RBFOX1: variants seen among roughly 807,000 people sequenced by gnomAD.
RBFOX1 encodes RNA binding fox-1 homolog 1.
In RBFOX1, 8 loss-of-function variants were observed where a neutral mutation model predicts 57.7. The observed-to-expected ratio is 0.14, with a 90% confidence interval of 0.08 to 0.25. The LOEUF is 0.25. RBFOX1 is among the 10% of genes least tolerant of loss of function. RBFOX1 has a pLI of 1.00. For synonymous variants in RBFOX1, 326 were observed against 222.4 expected, an observed-to-expected ratio of 1.47 and a Z score of -4.15; for missense variants, 611 against 548.5, an observed-to-expected ratio of 1.11 and a Z score of -1.14.
At chr16:7,556,623 A>G (rs568549419) in intron 5 of RBFOX1, among the ~76,000 whole-genome samples, 4 of 152,262 alleles carry the variant, frequency 2.6e-5, no homozygotes, top group African/African-American at 9.6e-5. Flanking sequence ...GCTTCATGAC[A>G]TTAGTGGAAA....
intron 3 of RBFOX1, among the ~76,000 whole-genome samples, chr16:5,614,353 G>A (rs1271266930): frequency 6.6e-6 from 1 of 152,156 alleles, no homozygotes; most frequent in Non-Finnish European, 1.5e-5. Flanking sequence ...AATCTTCAAT[G>A]CAACTTTCAT....
At chr16:6,571,669 A>C (rs1256218022) in intron 2 of RBFOX1, among the ~76,000 whole-genome samples, 1 of 152,190 alleles carries the variant, frequency 6.6e-6, no homozygotes. Context: ...TGCTGAAGGC[A>C]TGCCTCCTGA....
intron 1 of RBFOX1, among the ~76,000 whole-genome samples, chr16:5,440,577 C>T: frequency 6.6e-6 from 1 of 152,094 alleles, no homozygotes; most frequent in East Asian, 1.9e-4. Flanking sequence ...CTCCATGGCT[C>T]TAGGTAAACA....
Position 6,472,705 on chromosome 16 carries a change from C to T in RBFOX1, c.-64+155648C>T, listed in dbSNP as rs144671452. 6.9e-3 allele frequency among the ~76,000 whole-genome samples: 1,052 copies of T among 151,836 alleles called. 19 individuals are homozygous for T. Among genetic ancestry groups the T allele is most frequent in the African/African-American group, 0.024 (998 of 41,386 alleles). On this transcript the variant is annotated intron_variant, in intron 2 of 15. Transcript: ENST00000550418. ...GTGGCGCAATCTTGGCTCACTGCAA[C>T]CTCCGCCTCCCGGTTCAAGTGATTC...
chr16:5,598,974 A>G, exon 3 of RBFOX1: 1 of 1,522,716 alleles, frequency 6.6e-7, no homozygotes, highest in South Asian at 1.2e-5. Flanking sequence ...AAGTAGAAGC[A>G]TTTTGCTGAA....
intron 1 of RBFOX1, among the ~76,000 whole-genome samples, chr16:6,053,975 G>T (rs1187257398): frequency 1.3e-5 from 2 of 152,142 alleles, no homozygotes; most frequent in Non-Finnish European, 2.9e-5. Context: ...AGGATCGCTT[G>T]AGCCCAGGAG....
chr16:5,457,570 C>T (rs1243677886), intron 1 of RBFOX1, among the ~76,000 whole-genome samples: 1 of 152,270 alleles, frequency 6.6e-6, no homozygotes, highest in South Asian at 2.1e-4. Flanking sequence ...ATTTTGGGGC[C>T]ACACAGGCAT....
At chr16:5,778,282 G>A (rs2054210236) in intron 3 of RBFOX1, among the ~76,000 whole-genome samples, 1 of 152,010 alleles carries the variant, frequency 6.6e-6, no homozygotes, top group South Asian at 2.1e-4. Context: ...AGCTTCACAG[G>A]GCCCCAGAGT....
chr16:6,184,305 C>T (rs749221798), intron 1 of RBFOX1, among the ~76,000 whole-genome samples: 1 of 152,054 alleles, frequency 6.6e-6, no homozygotes, highest in Non-Finnish European at 1.5e-5. Flanking sequence ...TGACATCATG[C>T]CCATTTAAAA....
At chr16:6,989,796 T>G (rs1443101531) in intron 3 of RBFOX1, among the ~76,000 whole-genome samples, 1 of 152,060 alleles carries the variant, frequency 6.6e-6, no homozygotes, top group Non-Finnish European at 1.5e-5. Flanking sequence ...GGTCAGGATT[T>G]CGAAACTAGC....
intron 1 of RBFOX1, among the ~76,000 whole-genome samples, chr16:6,087,983 G>C (rs149629045): frequency 6.6e-6 from 1 of 152,138 alleles, no homozygotes; most frequent in Non-Finnish European, 1.5e-5. Flanking sequence ...ACTCCTGCGT[G>C]TGTGTGTTTG....
chr16:6,052,804 T>TCTAATAATA (rs1555488784), intron 1 of RBFOX1, among the ~76,000 whole-genome samples: 2 of 144,238 alleles, frequency 1.4e-5, no homozygotes, highest in Admixed American at 1.4e-4. Flanking sequence ...TAAAATAAAA[T>TCTAATAATA]ATAATAATAA....
chr16:5,637,320 TA>T (rs2048713671), intron 3 of RBFOX1, among the ~76,000 whole-genome samples: 1 of 152,138 alleles, frequency 6.6e-6, no homozygotes, highest in Non-Finnish European at 1.5e-5. Flanking sequence ...TACCCCAGTT[TA>T]AATAAGTCAT....
intron 1 of RBFOX1, among the ~76,000 whole-genome samples, chr16:6,153,464 C>G (rs1192645109): frequency 2.6e-5 from 4 of 152,056 alleles, no homozygotes; most frequent in Non-Finnish European, 5.9e-5. Flanking sequence ...TTCTTATATT[C>G]AAATGAACAG....
rs947676872 is a variant in RBFOX1, at chr16:7,711,331, G to T, written c.*586G>T. The T allele has an allele frequency of 6.6e-6, 1 of 152,522 alleles. No individual in the cohort carries two copies. Among genetic ancestry groups the T allele is most frequent in the Non-Finnish European group, 1.5e-5 (1 of 68,046 alleles). The allele number at this position is 152,522 out of a possible 1,614,324, so 9.4% of individuals were successfully genotyped here. A position where few individuals can be genotyped will look rare whatever the true frequency, so the allele number is the denominator to read the frequency against. On this transcript the variant is annotated 3_prime_UTR_variant, in exon 16 of 16. Transcript: ENST00000550418. The stretch of plus-strand genomic sequence containing the variant: ...ATTGCCAGTTCAAGCCAAAGGTCAT[G>T]TTGTTAAGGGGGTGCTTCTAGTAGC...
At chr16:7,694,848 C>T (rs1297462945) in intron 14 of RBFOX1, among the ~76,000 whole-genome samples, 1 of 152,172 alleles carries the variant, frequency 6.6e-6, no homozygotes, top group Admixed American at 6.5e-5. Context: ...TTAAAATGTT[C>T]ATAGGCCTCA....
At chr16:6,413,479 T>C (rs1288909124) in intron 2 of RBFOX1, among the ~76,000 whole-genome samples, 1 of 152,144 alleles carries the variant, frequency 6.6e-6, no homozygotes, top group East Asian at 1.9e-4. Context: ...TTATTTTTAA[T>C]AGATAATGGT....
intron 2 of RBFOX1, among the ~76,000 whole-genome samples, chr16:5,534,084 A>C (rs1309897338): frequency 6.6e-6 from 1 of 152,094 alleles, no homozygotes; most frequent in Non-Finnish European, 1.5e-5. Context: ...GCCACCTGCC[A>C]GTTGCTGCCG....
chr16:7,262,854 C>G (rs1267274392), intron 4 of RBFOX1, among the ~76,000 whole-genome samples: 2 of 152,222 alleles, frequency 1.3e-5, no homozygotes, highest in Admixed American at 1.3e-4. Context: ...GTGTCAGGAT[C>G]ATAGATAGGA....
Sources: allele counts gnomAD v4.1 joint callset (sites outside exome capture counted in the v4.1 genomes callset), GRCh38; gene constraint gnomAD v4.1.1; transcripts MANE v1.5; gene names NCBI Gene and HGNC (gene_info 2026-07-23, HGNC 2026-07-21).